ATRNL1: variants seen among roughly 807,000 people sequenced by gnomAD.
ATRNL1 encodes the protein attractin like 1.
In ATRNL1, 95 loss-of-function variants were observed where a neutral mutation model predicts 182.7. That is an observed-to-expected ratio of 0.52 (90% CI 0.44 to 0.62). The LOEUF (loss-of-function observed/expected upper bound fraction) is 0.62. Among genes scored for constraint, ATRNL1 ranks in the 20% least tolerant of loss-of-function variants. The pLI is 0.00. For synonymous variants in ATRNL1, 576 were observed against 568.3 expected, an observed-to-expected ratio of 1.01 and a Z score of -0.19; for missense variants, 1,471 against 1,679.5, an observed-to-expected ratio of 0.88 and a Z score of 2.17.
intron 25 of ATRNL1, among the ~76,000 whole-genome samples, chr10:115,528,247 A>G (rs35485324): frequency 0.31 from 47,734 of 151,752 alleles, 9,578 homozygotes; most frequent in Non-Finnish European, 0.45. Flanking sequence ...CAGTGAAGCC[A>G]TTGAGTTCAG....
At chr10:115,235,519 A>G (rs2492983) in intron 9 of ATRNL1, among the ~76,000 whole-genome samples, 7,569 of 151,954 alleles carry the variant, frequency 0.05, 334 homozygotes, top group African/African-American at 0.11. Flanking sequence ...CACTTATTGT[A>G]ATTTTTTTTT....
chr10:115,630,224 A>G (rs1032573164), intron 26 of ATRNL1, among the ~76,000 whole-genome samples: 1 of 152,172 alleles, frequency 6.6e-6, no homozygotes, highest in Non-Finnish European at 1.5e-5. Flanking sequence ...CATTTTCCCA[A>G]AGAAAACATA....
chr10:115,176,421 T>C (rs1847509955), intron 8 of ATRNL1, among the ~76,000 whole-genome samples: 1 of 152,122 alleles, frequency 6.6e-6, no homozygotes, highest in Non-Finnish European at 1.5e-5. Flanking sequence ...ATGTTGTAAA[T>C]AAACTTTATG....
At chr10:115,522,097 G>C (rs1184958828) in intron 25 of ATRNL1, among the ~76,000 whole-genome samples, 1 of 152,112 alleles carries the variant, frequency 6.6e-6, no homozygotes, top group African/African-American at 2.4e-5. Flanking sequence ...CAGTACTAGG[G>C]AGATCACTTA....
chr10:115,211,785 T>G (rs1427831877), intron 8 of ATRNL1, among the ~76,000 whole-genome samples: 2 of 131,868 alleles, frequency 1.5e-5, no homozygotes, highest in Non-Finnish European at 3.2e-5. Flanking sequence ...CAACAGTCCC[T>G]GGTGTGTGAT....
intron 26 of ATRNL1, among the ~76,000 whole-genome samples, chr10:115,678,043 G>A (rs12248834): frequency 0.012 from 1,769 of 152,126 alleles, 33 homozygotes; most frequent in African/African-American, 0.04. Flanking sequence ...TTTACTTTTG[G>A]ACTACCAGGT....
At chr10:115,136,047 AGAGAT>A (rs782351824) in intron 5 of ATRNL1, among the ~76,000 whole-genome samples, 5 of 138,250 alleles carry the variant, frequency 3.6e-5, no homozygotes, top group Non-Finnish European at 6.5e-5. Flanking sequence ...TTTTTTTTTT[AGAGAT>A]GAGATCTTTC....
chr10:115,806,063 C>T (rs1949914075), intron 27 of ATRNL1, among the ~76,000 whole-genome samples: 1 of 151,940 alleles, frequency 6.6e-6, no homozygotes, highest in Non-Finnish European at 1.5e-5. Context: ...GGGTAATAAC[C>T]TGTAGATGGG....
At chr10:115,359,031 C>T (rs1856624186) in intron 19 of ATRNL1, among the ~76,000 whole-genome samples, 1 of 151,494 alleles carries the variant, frequency 6.6e-6, no homozygotes, top group Non-Finnish European at 1.5e-5. Flanking sequence ...GTGTTATGTC[C>T]CTGCCTTTGA....
At chr10:115,707,038 GGAT>G (rs1336496783) in intron 26 of ATRNL1, among the ~76,000 whole-genome samples, 1 of 151,684 alleles carries the variant, frequency 6.6e-6, no homozygotes, top group African/African-American at 2.4e-5. Flanking sequence ...CTTATATACA[GGAT>G]TTTTCCTAGA....
rs1285327626 is a variant in ATRNL1, at chr10:115,246,721, C to T, written c.1687+4996C>T. 9.2e-5 allele frequency among the ~76,000 whole-genome samples: 11 copies of T among 120,128 alleles called. 2 individuals carry two copies. The highest frequency in any genetic ancestry group is 8.7e-4 in the South Asian group (3 of 3,452). The allele number at this position is 120,128 out of a possible 152,430, so 78.8% of individuals were successfully genotyped here. On this transcript the variant is annotated intron_variant, in intron 10 of 28. Coordinates refer to ENST00000355044, the MANE Select transcript of ATRNL1 (RefSeq NM_207303.4). ...GACTACAGGCGCCCGCCACCGCGCC[C>T]GGCTAATTTTTTGTATTTTTAGTAG...
chr10:115,224,710 A>G (rs1302009918), intron 9 of ATRNL1, among the ~76,000 whole-genome samples: 5 of 152,198 alleles, frequency 3.3e-5, no homozygotes, highest in Non-Finnish European at 7.4e-5. Context: ...CGACTCTATG[A>G]CCGTAAATTT....
intron 17 of ATRNL1, among the ~76,000 whole-genome samples, chr10:115,313,828 G>T (rs1220469775): frequency 6.6e-6 from 1 of 152,102 alleles, no homozygotes; most frequent in African/African-American, 2.4e-5. Context: ...ATCATTACAT[G>T]ATAGTAAATA....
chr10:115,939,970 G>A (rs111273250), intron 28 of ATRNL1, among the ~76,000 whole-genome samples: 131 of 152,208 alleles, frequency 8.6e-4, no homozygotes, highest in African/African-American at 3.1e-3. Context: ...AGAAAAGATC[G>A]CAAACGACCT....
chr10:115,377,299 C>A (rs1857730610), intron 19 of ATRNL1, among the ~76,000 whole-genome samples: 1 of 152,076 alleles, frequency 6.6e-6, no homozygotes, highest in East Asian at 1.9e-4. Flanking sequence ...TCTGATGGTA[C>A]CCCATTCACT....
At chr10:115,371,451 A>G (rs1166794174) in intron 19 of ATRNL1, among the ~76,000 whole-genome samples, 1 of 152,234 alleles carries the variant, frequency 6.6e-6, no homozygotes, top group Non-Finnish European at 1.5e-5. Context: ...GACCATGGGA[A>G]CACACCTCTT....
At chr10:115,182,527 G>A (rs1022379104) in intron 8 of ATRNL1, among the ~76,000 whole-genome samples, 1 of 151,362 alleles carries the variant, frequency 6.6e-6, no homozygotes, top group African/African-American at 2.4e-5. Flanking sequence ...TCAGTACATG[G>A]GAATGGGATT....
At position 115,650,573 on chromosome 10, in the gene ATRNL1, A is replaced by G. The variant is rs1259203239; in HGVS notation, c.3796-76675A>G. ...AACGCACACACACATGCACACAGAT[A>G]CGTTTGAATAGAAAAGCTGACCATG... On this transcript the variant is annotated intron_variant, in intron 26 of 28. Transcript: ENST00000355044. Among the ~76,000 whole-genome samples, 4 of 151,802 alleles carry G rather than the reference A, an allele frequency of 2.6e-5. No homozygotes were observed. The East Asian group carries it at 7.7e-4, about 29-fold the overall frequency.
At position 115,355,170 on chromosome 10, in the gene ATRNL1, T is replaced by C. The variant is rs150347191; in HGVS notation, c.3175+20751T>C. ...TCATTTACTCCGTGTGATGAGGTAA[T>C]GTTTTCCTGAATGCTCTTGATGCTT... On this transcript the variant is annotated intron_variant, in intron 19 of 28. Transcript: ENST00000355044. Among the ~76,000 whole-genome samples the C allele has an allele frequency of 1.8e-4, 27 of 152,306 alleles. No homozygotes were observed. In the East Asian group the frequency reaches 5.2e-3, roughly 29 times the overall value.
Sources: allele counts gnomAD v4.1 joint callset (sites outside exome capture counted in the v4.1 genomes callset), GRCh38; gene constraint gnomAD v4.1.1; transcripts MANE v1.5; gene names NCBI Gene and HGNC (gene_info 2026-07-23, HGNC 2026-07-21).